The following RFPL4A variants were observed in gnomAD, a reference collection of about 807,000 sequenced individuals.
The protein encoded by RFPL4A is ret finger protein like 4A, also known as ret finger protein-like 4A.
In RFPL4A, 4 loss-of-function variants were observed where a neutral mutation model predicts 8.3. The observed-to-expected ratio is 0.48, with a 90% CI of 0.24 to 1.10. The LOEUF (loss-of-function observed/expected upper bound fraction) is 1.10, where lower values mean the gene tolerates loss of function less well. Ranked by LOEUF, RFPL4A falls within the 50% of genes least tolerant of loss-of-function variation. The pLI is 0.18. For synonymous variants in RFPL4A, 43 were observed against 136.6 expected (o/e 0.31, Z 4.78); for missense variants, 111 against 358.7 (o/e 0.31, Z 5.58).
At chr19:55,761,083 TCC>T (rs1181014501) in intron 1 of RFPL4A, among the ~76,000 whole-genome samples, 16 of 130,930 alleles carry the variant, frequency 1.2e-4, no homozygotes, top group East Asian at 2.2e-4. Context: ...TTCTGGTTTT[TCC>T]TTTTTTTTTT....
At chr19:55,758,322 A>G (rs1198726238), upstream of RFPL4A, among the ~76,000 whole-genome samples, 3 of 152,306 alleles carry the variant, frequency 2.0e-5, no homozygotes, top group Non-Finnish European at 4.4e-5. Flanking sequence ...ATTAAATTAA[A>G]GACTATTAAT....
In RFPL4A at chr19:55,763,389, A is replaced by G. The variant is rs1989334508; in HGVS notation, c.*214A>G. ...TGTTTTCTTTGGGGCTTATGTTTATATTTCTGTTCAATAAATATTTTGAAA... is the reference window on the plus strand; with the variant it reads ...TGTTTTCTTTGGGGCTTATGTTTATGTTTCTGTTCAATAAATATTTTGAAA... On this transcript the variant is annotated 3_prime_UTR_variant, in exon 3 of 3. Coordinates refer to ENST00000434937, the MANE Select transcript of RFPL4A (RefSeq NM_001145014.2). Among the ~76,000 whole-genome samples the G allele has an allele frequency of 6.7e-6, 1 of 150,140 alleles. No individual in the cohort carries two copies. The highest frequency in any genetic ancestry group is 1.5e-5 in the Non-Finnish European group (1 of 67,990).
At chr19:55,759,436 G>T (rs11666950) in intron 1 of RFPL4A, among the ~76,000 whole-genome samples, 45,222 of 151,042 alleles carry the variant, frequency 0.3, 7,425 homozygotes, top group African/African-American at 0.45. Flanking sequence ...ATGGACAGAG[G>T]TTCGGTGGCT....
intron 1 of RFPL4A, among the ~76,000 whole-genome samples, chr19:55,760,878 G>A (rs539527120): frequency 2.6e-5 from 4 of 151,502 alleles, no homozygotes; most frequent in South Asian, 4.2e-4. Context: ...GGTGAGTGAG[G>A]TTGAGCTTGT....
intron 1 of RFPL4A, among the ~76,000 whole-genome samples, chr19:55,760,740 T>C (rs1989264700): frequency 6.6e-6 from 1 of 151,608 alleles, no homozygotes; most frequent in Non-Finnish European, 1.5e-5. Context: ...TCCTTGTAAT[T>C]TTAATGACAA....
upstream of RFPL4A, among the ~76,000 whole-genome samples, chr19:55,757,466 C>T (rs1223302430): frequency 6.6e-6 from 1 of 151,996 alleles, no homozygotes; most frequent in Non-Finnish European, 1.5e-5. Flanking sequence ...TTCTGTGACA[C>T]GCCTGCAGGG....
In RFPL4A at chr19:55,759,136, G is replaced by A. The variant is rs1226680868; in HGVS notation, c.-49G>A. On this transcript the variant is annotated 5_prime_UTR_variant, in exon 1 of 3. Transcript: ENST00000434937. ...TCACTCCAGATCTGAGCTGTCCGCA[G>A]AAGCAGCTGGAGGCCAGGGGAGAAA... 1.3e-5 allele frequency: 2 copies of A among 151,168 alleles called. No homozygotes were observed. Among genetic ancestry groups the A allele is most frequent in the Non-Finnish European group, 3.0e-5 (2 of 66,992 alleles). 9.4% of individuals were successfully genotyped at this position (151,168 alleles called of 1,614,324 possible).
In RFPL4A at chr19:55,761,929, T is replaced by A. The variant is rs1989292631; in HGVS notation, c.129T>A (p.Asp43Glu). ...QCLNSLQKEP[D>E]GEGLLCRFCS... Reference sequence around the variant, plus strand: ...TCAATTCACTCCAGAAGGAGCCCGATGGGGAAGGTTTACTGTGCCGTTTCT... The same window carrying A: ...TCAATTCACTCCAGAAGGAGCCCGAAGGGGAAGGTTTACTGTGCCGTTTCT... The change falls in exon 2 of 3, where the codon GAT becomes GAA. Residue 43 changes from aspartate (D) to glutamate (E), a missense_variant. Physicochemically the swap from Asp to Glu is conservative, Grantham distance 45. Coordinates refer to ENST00000434937, the MANE Select transcript of RFPL4A (RefSeq NM_001145014.2). 1.3e-6 allele frequency: 2 copies of A among 1,512,458 alleles called. No homozygotes were observed. The highest frequency in any genetic ancestry group is 1.8e-6 in the Non-Finnish European group (2 of 1,117,198). 93.7% of individuals were successfully genotyped at this position (1,512,458 alleles called of 1,614,324 possible).
At chr19:55,757,673 C>G (rs1001625332), upstream of RFPL4A, among the ~76,000 whole-genome samples, 1 of 152,046 alleles carries the variant, frequency 6.6e-6, no homozygotes, top group African/African-American at 2.4e-5. Context: ...TATCTAACAC[C>G]CAAACCAACC....
intron 1 of RFPL4A, among the ~76,000 whole-genome samples, 187 bp from the exon 2 acceptor site, chr19:55,761,596 GTATTACAGA>G (rs961045824): frequency 6.8e-6 from 1 of 148,036 alleles, no homozygotes; most frequent in African/African-American, 2.6e-5. Flanking sequence ...ATTCCAATGA[GTATTACAGA>G]TATTAGAAGT....
intron 1 of RFPL4A, among the ~76,000 whole-genome samples, chr19:55,760,650 G>A (rs141020748): frequency 1.1e-3 from 163 of 151,538 alleles, no homozygotes; most frequent in Non-Finnish European, 1.9e-3. Flanking sequence ...TAATGACCAC[G>A]GTCATTACTG....
intron 1 of RFPL4A, among the ~76,000 whole-genome samples, chr19:55,759,541 TTC>T (rs1234869767): frequency 6.7e-6 from 1 of 149,748 alleles, no homozygotes; most frequent in Admixed American, 6.6e-5. Flanking sequence ...TTCTCTTATT[TTC>T]TGATTTTTTT....
intron 2 of RFPL4A, among the ~76,000 whole-genome samples, chr19:55,762,364 A>C (rs1989303631): frequency 6.6e-6 from 1 of 151,114 alleles, no homozygotes; most frequent in South Asian, 2.1e-4. Context: ...CTTATTTCGA[A>C]AGGCATTTCT....
At chr19:55,761,475 C>T (rs1401754173) in intron 1 of RFPL4A, among the ~76,000 whole-genome samples, 1 of 140,372 alleles carries the variant, frequency 7.1e-6, no homozygotes, top group African/African-American at 2.7e-5. Context: ...CAGATACACC[C>T]CATTTCAGGT....
At chr19:55,761,695 G>T in intron 1 of RFPL4A, 97 bp from the exon 2 acceptor site, 2 of 1,478,592 alleles carry the variant, frequency 1.4e-6, no homozygotes, top group Non-Finnish European at 1.8e-6. Context: ...GTCGTGCTAT[G>T]ATAGCTCCAT....
chr19:55,763,130 C>T lies in RFPL4A; in HGVS notation c.819C>T (p.Ile273=), dbSNP rs1318485508. ...GCATCCTGAGTATCTGTTCTGTGAT[C>T]AATCCATCCGCTGCCAGTGCCCCAG... The part of the protein sequence containing the change: ...DQSILSICSV[I]NPSAASAPVS... The change falls in exon 3 of 3, where the codon ATC becomes ATT. Residue 273 remains isoleucine, a synonymous_variant. Coordinates refer to ENST00000434937, the MANE Select transcript of RFPL4A (RefSeq NM_001145014.2). The T allele has an allele frequency of 1.3e-6, 2 of 1,539,228 alleles. No homozygotes were observed. The highest frequency in any genetic ancestry group is 2.4e-5 in the South Asian group (2 of 83,520).
At chr19:55,760,485 T>A (rs1989259524) in intron 1 of RFPL4A, among the ~76,000 whole-genome samples, 1 of 151,660 alleles carries the variant, frequency 6.6e-6, no homozygotes, top group South Asian at 2.1e-4. Context: ...GGGGTTTCTA[T>A]TTTTGTCAGT....
chr19:55,758,915 A>G (rs1989227859), upstream of RFPL4A: 1 of 150,892 alleles, frequency 6.6e-6, no homozygotes, highest in African/African-American at 2.5e-5. Flanking sequence ...TTACATGGCA[A>G]TATTTTGTCC....
chr19:55,761,315 C>G lies in RFPL4A; in HGVS notation c.-9-477C>G, dbSNP rs886611988. 2.9e-5 allele frequency among the ~76,000 whole-genome samples: 4 copies of G among 137,532 alleles called. 1 individual carries two copies. Among genetic ancestry groups the G allele is most frequent in the South Asian group, 2.3e-4 (1 of 4,332 alleles). 90.2% of individuals were successfully genotyped at this position (137,532 alleles called of 152,430 possible). On this transcript the variant is annotated intron_variant, in intron 1 of 2. Coordinates refer to ENST00000434937, the MANE Select transcript of RFPL4A (RefSeq NM_001145014.2). ...TTTCTGGTAGTCACATAAAATAGAA[C>G]AAAACAAGCCTAATGAATTTTAACT... is the stretch of plus-strand genomic sequence containing the variant.
Sources: gnomAD v4.1 joint callset for allele counts (sites outside exome capture counted in the v4.1 genomes callset) on GRCh38, gnomAD v4.1.1 for gene constraint, MANE v1.5 for transcripts, NCBI Gene and HGNC (gene_info 2026-07-23, HGNC 2026-07-21) for gene names.